Variants in COL6A5 observed in about 807,000 individuals in gnomAD.
The protein encoded by COL6A5 is collagen alpha-5(VI) chain.
In COL6A5, 48 loss-of-function variants were observed where a neutral mutation model predicts 65.6. The observed-to-expected ratio is 0.73, with a 90% CI of 0.58 to 0.93. The LOEUF (loss-of-function observed/expected upper bound fraction) is 0.93. Among genes scored for constraint, COL6A5 ranks in the 40% least tolerant of loss-of-function variants. COL6A5 has a pLI of 0.00. For missense variants in COL6A5, 914 were observed against 928.3 expected, an observed-to-expected ratio of 0.98 and a Z score of 0.20; for synonymous variants, 291 against 322.8, an observed-to-expected ratio of 0.90 and a Z score of 1.05.
chr3:130,429,122 T>C (rs1937687402), upstream of COL6A5, among the ~76,000 whole-genome samples: 1 of 152,170 alleles, frequency 6.6e-6, no homozygotes, highest in Non-Finnish European at 1.5e-5. Context: ...GAAATCCCCC[T>C]ATGGTTGTAT....
At chr3:130,418,913 T>G in exon 25 of COL6A5, 1 of 1,550,726 alleles carries the variant, frequency 6.4e-7, no homozygotes, top group Non-Finnish European at 8.7e-7. Flanking sequence ...TGGGGCAAAC[T>G]GGGCAGCGAG....
At chr3:130,388,496 A>C in intron 5 of COL6A5, 84 bp from the exon 6 acceptor site, 1 of 1,065,668 alleles carries the variant, frequency 9.4e-7, no homozygotes, top group Non-Finnish European at 1.3e-6. Context: ...TTTTCTCATT[A>C]ATGCATTTGT....
At chr3:130,396,425 G>T (rs1936602508) in intron 8 of COL6A5, among the ~76,000 whole-genome samples, 1 of 152,198 alleles carries the variant, frequency 6.6e-6, no homozygotes, top group African/African-American at 2.4e-5. Context: ...GAAAGCTAGA[G>T]TTCTAACTCT....
At chr3:130,445,917 G>A (rs894635267) in intron 4 of COL6A5, among the ~76,000 whole-genome samples, 2 of 152,080 alleles carry the variant, frequency 1.3e-5, no homozygotes, top group African/African-American at 4.8e-5. Flanking sequence ...CCAAATTAAA[G>A]TTTTAGATGG....
intron 13 of COL6A5, 65 bp downstream of exon 13, chr3:130,403,727 A>C: frequency 8.6e-7 from 1 of 1,161,958 alleles, no homozygotes; most frequent in Non-Finnish European, 1.2e-6. Flanking sequence ...ACACACACAC[A>C]CAAACACACA....
intron 1 of COL6A5, among the ~76,000 whole-genome samples, chr3:130,369,938 G>A (rs536891754): frequency 6.6e-6 from 1 of 152,154 alleles, no homozygotes; most frequent in Non-Finnish European, 1.5e-5. Context: ...TTCCCAGTCA[G>A]CCTCTGAGAG....
At chr3:130,378,511 C>T (rs1935869080) in intron 3 of COL6A5, among the ~76,000 whole-genome samples, 1 of 152,078 alleles carries the variant, frequency 6.6e-6, no homozygotes, top group East Asian at 1.9e-4. Flanking sequence ...ATTATTATCC[C>T]TGAATTCATT....
At chr3:130,364,808 C>T (rs556746142) in intron 1 of COL6A5, among the ~76,000 whole-genome samples, 1 of 152,310 alleles carries the variant, frequency 6.6e-6, no homozygotes, top group Non-Finnish European at 1.5e-5. Flanking sequence ...TATTGGATAT[C>T]CCAGCAGGTC....
In COL6A5 at chr3:130,421,134, A is replaced by C; in HGVS notation, c.4951-19A>C. Reference sequence around the variant, plus strand: ...TTTCCACCTTTGAGAAATTGAAAAAAACTGGTGTGTTTACACAGGGAGATT... The same window carrying C: ...TTTCCACCTTTGAGAAATTGAAAAACACTGGTGTGTTTACACAGGGAGATT... On this transcript the variant is annotated intron_variant and NMD_transcript_variant, in intron 25 of 41. Transcript: ENST00000312481. 3.2e-6 allele frequency: 5 copies of C among 1,549,458 alleles called. No individual in the cohort carries two copies. The highest frequency in any genetic ancestry group is 4.4e-6 in the Non-Finnish European group (5 of 1,145,546).
At chr3:130,376,654 T>C in exon 3 of COL6A5, 5 of 1,612,718 alleles carry the variant, frequency 3.1e-6, no homozygotes, top group Non-Finnish European at 4.2e-6. Flanking sequence ...AAAGACGGGG[T>C]GAAAATTATC....
At chr3:130,484,260 A>G in exon 8 of COL6A5, 6 of 538,204 alleles carry the variant, frequency 1.1e-5, no homozygotes. Context: ...AGAAGACCTG[A>G]CAAACCAGGA....
At chr3:130,413,928 C>T (rs569744488) in intron 21 of COL6A5, 141 bp from the exon 22 acceptor site, 4 of 665,520 alleles carry the variant, frequency 6.0e-6, no homozygotes, top group Non-Finnish European at 1.1e-5. Context: ...CAGTCTAGAA[C>T]TGTAAAATCC....
At chr3:130,451,379 GAGGAGCAGA>G (rs1709427137) in intron 4 of COL6A5, among the ~76,000 whole-genome samples, 1 of 152,102 alleles carries the variant, frequency 6.6e-6, no homozygotes, top group Non-Finnish European at 1.5e-5. Context: ...AGGGGCATTG[GAGGAGCAGA>G]AGGAGCAGAA....
chr3:130,377,268 C>G (rs890228204), intron 3 of COL6A5, among the ~76,000 whole-genome samples: 9 of 152,198 alleles, frequency 5.9e-5, no homozygotes, highest in Non-Finnish European at 1.2e-4. Context: ...CAACTTATCT[C>G]TCTGTCCTTT....
intron 1 of COL6A5, among the ~76,000 whole-genome samples, chr3:130,367,666 C>G (rs537332697): frequency 6.6e-6 from 1 of 152,192 alleles, no homozygotes; most frequent in African/African-American, 2.4e-5. Context: ...GTGCTAAGAA[C>G]ATTGTTGGCA....
rs1559896414 is a variant in COL6A5, at chr3:130,426,258, C to T, written c.5199+9C>T. Reference sequence around the variant, plus strand: ...GGCAGCCTGTATATTCTGTATGTATCTCCTTATTCATGAAAGAAAACTCAA... The same window carrying T: ...GGCAGCCTGTATATTCTGTATGTATTTCCTTATTCATGAAAGAAAACTCAA... On this transcript the variant is annotated intron_variant and NMD_transcript_variant, in intron 30 of 41. Transcript: ENST00000312481. 5.2e-6 allele frequency: 8 copies of T among 1,551,180 alleles called. No homozygotes were observed. The highest frequency in any genetic ancestry group is 2.4e-5 in the East Asian group (1 of 40,922).
chr3:130,472,858 T>TATATATATATATATATATAC (rs1198559167), intron 7 of COL6A5, among the ~76,000 whole-genome samples: 9 of 141,848 alleles, frequency 6.3e-5, no homozygotes, highest in South Asian at 4.5e-4. Context: ...TATATATATA[T>TATATATATATATATATATAC]ACACATTTAT....
chr3:130,455,263 A>G lies in COL6A5; in HGVS notation c.1333-192A>G, dbSNP rs539849324. ...GTGAGAAAAGGTAGAATAAGTAGAAAATCTTATCAGAGTTTTAAAAAATAA... is the reference window on the plus strand; with the variant it reads ...GTGAGAAAAGGTAGAATAAGTAGAAGATCTTATCAGAGTTTTAAAAAATAA... On this transcript the variant is annotated intron_variant, in intron 4 of 7. Transcript: ENST00000512836. Among the ~76,000 whole-genome samples, 12 of 152,308 alleles carry G rather than the reference A, an allele frequency of 7.9e-5. No individual in the cohort carries two copies. The East Asian group carries it at 2.3e-3, about 29-fold the overall frequency.
exon 6 of COL6A5, chr3:130,469,237 T>G (rs771231490): frequency 6.2e-7 from 1 of 1,613,276 alleles, no homozygotes. Flanking sequence ...AAGTTATCTT[T>G]GTAATATCTG....
Sources: gnomAD v4.1 joint callset for allele counts (sites outside exome capture counted in the v4.1 genomes callset) on GRCh38, gnomAD v4.1.1 for gene constraint, MANE v1.5 for transcripts, NCBI Gene and HGNC (gene_info 2026-07-23, HGNC 2026-07-21) for gene names.